The following FBH1 variants were observed in gnomAD, a reference collection of about 807,000 sequenced individuals.
FBH1 encodes the protein F-box DNA helicase 1.
In FBH1, 43 loss-of-function variants were observed where a neutral mutation model predicts 115.5. The observed-to-expected ratio is 0.37, with a 90% confidence interval of 0.29 to 0.48. FBH1 has a LOEUF of 0.48. Ranked by LOEUF, FBH1 falls within the 20% of genes least tolerant of loss-of-function variation. The probability of loss-of-function intolerance (pLI) is 0.99; values close to 1 mark genes in which losing one functional copy is unlikely to be tolerated. For synonymous variants in FBH1, 524 were observed against 507.8 expected, an observed-to-expected ratio of 1.03 and a Z score of -0.43; for missense variants, 1,001 against 1,337.3, an observed-to-expected ratio of 0.75 and a Z score of 3.92.
rs776867320 is a variant in FBH1 at position 5,925,334 on chromosome 10, C to T, written c.2597-33C>T. The T allele has an allele frequency of 5.0e-6, 8 of 1,604,962 alleles. No individual in the cohort carries two copies. In the East Asian group the frequency reaches 1.3e-4, roughly 27 times the overall value. On this transcript the variant is annotated intron_variant, in intron 17 of 20. Coordinates refer to ENST00000362091, the MANE Select transcript of FBH1 (RefSeq NM_178150.3). This position sits in a 1 kb window ranked among gnomAD's most constrained non-coding sequence, Gnocchi z 4.6. ...TCATCTTGTTTCTTTCCCTTTGAAG[C>T]ACCATCTAACGTGTGCTGTGTTTTT...
chr10:5,903,074 G>C lies in FBH1; in HGVS notation c.56G>C (p.Arg19Pro). The change falls in exon 2 of 21, where the codon CGG becomes CCG. Residue 19 changes from arginine (R) to proline (P), a missense_variant. Physicochemically the swap from Arg to Pro is moderately radical, Grantham distance 103. Coordinates refer to ENST00000362091, the MANE Select transcript of FBH1 (RefSeq NM_178150.3). ...LTAIDCQHLARSHLAVTQPFG... is the reference protein window; with the variant it reads ...LTAIDCQHLAPSHLAVTQPFG... ...GCCATTGACTGCCAGCATTTGGCTCGGAGTCACTTGGCTGTGACCCAGCCC... is the reference window on the plus strand; with the variant it reads ...GCCATTGACTGCCAGCATTTGGCTCCGAGTCACTTGGCTGTGACCCAGCCC... 2.5e-6 allele frequency: 4 copies of C among 1,613,486 alleles called. No individual in the cohort carries two copies. Among genetic ancestry groups the C allele is most frequent in the Non-Finnish European group, 3.4e-6 (4 of 1,179,760 alleles).
At chr10:5,927,099 TC>T (rs1832700975) in intron 18 of FBH1, among the ~76,000 whole-genome samples, 1 of 152,320 alleles carries the variant, frequency 6.6e-6, no homozygotes, top group Non-Finnish European at 1.5e-5. Context: ...AGCCTCGGTT[TC>T]CCCGTCTGTC....
intron 1 of FBH1, among the ~76,000 whole-genome samples, chr10:5,898,116 A>G (rs1015279547): frequency 6.6e-6 from 1 of 152,132 alleles, no homozygotes; most frequent in African/African-American, 2.4e-5. Context: ...CTCAGTATTC[A>G]CAGAACGTGT....
rs992000335 is a variant in FBH1 at position 5,906,803 on chromosome 10, C to T, written c.753+171C>T. On this transcript the variant is annotated intron_variant, in intron 3 of 20. Coordinates refer to ENST00000362091, the MANE Select transcript of FBH1 (RefSeq NM_178150.3). The surrounding 1 kb of genome is among the most constrained non-coding windows in gnomAD (Gnocchi z 7.3). ...TCCGTGTCTGCCCCACCCTATGACT[C>T]TAGCCTCTTTGTTCACTTCCACTCA... Among the ~76,000 whole-genome samples, 3 of 152,180 alleles carry T rather than the reference C, an allele frequency of 2.0e-5. No individual in the cohort carries two copies. The highest frequency in any genetic ancestry group is 7.2e-5 in the African/African-American group (3 of 41,450).
chr10:5,909,395 A>G lies in FBH1; in HGVS notation c.1020+101A>G. ...GAGGATGACTTTATATTTATTTTTA[A>G]TGTCTGTATTTAATCTCTGAATGCT... On this transcript the variant is annotated intron_variant, in intron 5 of 20. Transcript: ENST00000362091. The surrounding 1 kb of genome is among the most constrained non-coding windows in gnomAD (Gnocchi z 4.4). 1 of 1,339,634 alleles carries G rather than the reference A, an allele frequency of 7.5e-7. No homozygotes were observed. The highest frequency in any genetic ancestry group is 1.0e-6 in the Non-Finnish European group (1 of 999,100). 83.0% of individuals were successfully genotyped at this position (1,339,634 alleles called of 1,614,324 possible).
At position 5,917,396 on chromosome 10, in the gene FBH1, G is replaced by T; in HGVS notation, c.1789-24G>T. 2 of 1,608,666 alleles carry T rather than the reference G, an allele frequency of 1.2e-6. No homozygotes were observed. The highest frequency in any genetic ancestry group is 1.7e-6 in the Non-Finnish European group (2 of 1,175,768). ...CCTTTGCCAGGGTCTCAAACTCTGG[G>T]TTACCATATGCTTTACTTCCTAGAA... is the stretch of plus-strand genomic sequence containing the variant. On this transcript the variant is annotated intron_variant, in intron 10 of 20. Coordinates refer to ENST00000362091, the MANE Select transcript of FBH1 (RefSeq NM_178150.3). This position sits in a 1 kb window ranked among gnomAD's most constrained non-coding sequence, Gnocchi z 5.6.
Position 5,916,287 on chromosome 10 carries a change from A to T in FBH1, c.1619A>T (p.Asn540Ile). 1.2e-6 allele frequency: 2 copies of T among 1,614,120 alleles called. No homozygotes were observed. Among genetic ancestry groups the T allele is most frequent in the Non-Finnish European group, 1.7e-6 (2 of 1,180,024 alleles). The change falls in exon 10 of 21, where the codon AAC becomes ATC. Residue 540 changes from asparagine (N) to isoleucine (I), a missense_variant. By Grantham distance (149) the Asn-to-Ile change is moderately radical (BLOSUM62 -3). Transcript: ENST00000362091. The part of the protein sequence containing the change: ...NLFKLTPFMV[N>I]SVLAEGKGGF... ...TTCAAGTTAACACCCTTCATGGTCA[A>T]CTCCGTCCTTGCTGAAGGGAAGGGT...
intron 13 of FBH1, among the ~76,000 whole-genome samples, chr10:5,920,840 G>A (rs12244285): frequency 2.0e-5 from 3 of 152,136 alleles, no homozygotes; most frequent in African/African-American, 4.8e-5. Context: ...ACAGAAAACC[G>A]CGTGGGCTGA....
chr10:5,928,958 C>G (rs563211458), intron 19 of FBH1, among the ~76,000 whole-genome samples: 2 of 152,136 alleles, frequency 1.3e-5, no homozygotes, highest in African/African-American at 4.8e-5. Context: ...TGGGGTGAGC[C>G]GCGCCGTACT....
chr10:5,895,297 G>A lies in FBH1; in HGVS notation c.1+4951G>A, dbSNP rs1842946332. 2.4e-6 allele frequency: 3 copies of A among 1,237,662 alleles called. No homozygotes were observed. The highest frequency in any genetic ancestry group is 1.7e-5 in the South Asian group (1 of 57,588). 76.7% of individuals were successfully genotyped at this position (1,237,662 alleles called of 1,614,324 possible). ...TGTTAAAGTTGGGTATGGTATTGTA[G>A]CAGTTTCTCCAGTCAGGTACCTTGT... is the stretch of plus-strand genomic sequence containing the variant. On this transcript the variant is annotated intron_variant, in intron 1 of 20. Transcript: ENST00000362091. The surrounding 1 kb of genome is among the most constrained non-coding windows in gnomAD (Gnocchi z 5.0).
intron 19 of FBH1, chr10:5,929,868 A>G (rs1832872658): frequency 6.6e-6 from 1 of 152,158 alleles, no homozygotes; most frequent in Admixed American, 6.5e-5. Context: ...CTATACAAAC[A>G]TTTTTGTATA....
rs2132069244 is a variant in FBH1 at position 5,924,826 on chromosome 10, A to G, written c.2596+318A>G. 4.4e-6 allele frequency: 2 copies of G among 459,562 alleles called. No homozygotes were observed. The highest frequency in any genetic ancestry group is 3.3e-5 in the South Asian group (2 of 59,986). 28.5% of individuals were successfully genotyped at this position (459,562 alleles called of 1,614,324 possible). A position where few individuals can be genotyped will look rare whatever the true frequency, so the allele number is the denominator to read the frequency against. ...GGTAATCTGCCCACCTCGACCTCCC[A>G]AAGTGCTAGAATTACAGGCGTGAGC... On this transcript the variant is annotated intron_variant, in intron 17 of 20. Transcript: ENST00000362091. This position sits in a 1 kb window ranked among gnomAD's most constrained non-coding sequence, Gnocchi z 6.2.
At chr10:5,912,173 A>G (rs1831633837) in intron 6 of FBH1, among the ~76,000 whole-genome samples, 1 of 152,048 alleles carries the variant, frequency 6.6e-6, no homozygotes, top group Non-Finnish European at 1.5e-5. Flanking sequence ...CAGCCTGGCC[A>G]ACAAGGGGAA....
rs1262845680 is a variant in FBH1, at chr10:5,921,817, C to T, written c.2322+248C>T. Reference sequence around the variant, plus strand: ...GTTTCCACTCTTTTAACAATGAATGCCCTTCTTCCCTTGGCAATGCCAGTG... The same window carrying T: ...GTTTCCACTCTTTTAACAATGAATGTCCTTCTTCCCTTGGCAATGCCAGTG... On this transcript the variant is annotated intron_variant, in intron 15 of 20. Coordinates refer to ENST00000362091, the MANE Select transcript of FBH1 (RefSeq NM_178150.3). The surrounding 1 kb of genome is among the most constrained non-coding windows in gnomAD (Gnocchi z 6.4). Among the ~76,000 whole-genome samples the T allele has an allele frequency of 6.6e-6, 1 of 152,186 alleles. No homozygotes were observed. Among genetic ancestry groups the T allele is most frequent in the East Asian group, 1.9e-4 (1 of 5,202 alleles).
At position 5,915,161 on chromosome 10, in the gene FBH1, A is replaced by AG. The variant is rs1446266341; in HGVS notation, c.1397-238dup. On this transcript the variant is annotated intron_variant, in intron 8 of 20. Transcript: ENST00000362091. This position sits in a 1 kb window ranked among gnomAD's most constrained non-coding sequence, Gnocchi z 5.2. ...AAGCAAACTGAAGCTCATGAGGTCAAGGGGTCCACCTGTCCTTTGCCCCTC... is the reference window on the plus strand; with the variant it reads ...AAGCAAACTGAAGCTCATGAGGTCAAGGGGGTCCACCTGTCCTTTGCCCCTC... Among the ~76,000 whole-genome samples, 5 of 152,322 alleles carry AG rather than the reference A, an allele frequency of 3.3e-5. No individual in the cohort carries two copies. In the South Asian group the frequency reaches 1.0e-3, roughly 32 times the overall value.
Position 5,923,738 on chromosome 10 carries a change from C to A in FBH1, c.2398+42C>A. On this transcript the variant is annotated intron_variant, in intron 16 of 20. Transcript: ENST00000362091. The surrounding 1 kb of genome is among the most constrained non-coding windows in gnomAD (Gnocchi z 5.7). ...CCTTGGTGCATTGGAAGGACGCACC[C>A]AAGTGACAGGGACGAGAAAGAAGCA... 6.5e-7 allele frequency: 1 copy of A among 1,547,468 alleles called. No individual in the cohort carries two copies. Among genetic ancestry groups the A allele is most frequent in the South Asian group, 1.1e-5 (1 of 87,778 alleles).
intron 1 of FBH1, among the ~76,000 whole-genome samples, chr10:5,891,375 A>G (rs1842716498): frequency 6.6e-6 from 1 of 152,198 alleles, no homozygotes; most frequent in African/African-American, 2.4e-5. Flanking sequence ...GCAAAAGAAA[A>G]AAAGGAAGGC....
chr10:5,916,199 A>T, intron 9 of FBH1, 35 bp from the exon 10 acceptor site: 1 of 1,579,802 alleles, frequency 6.3e-7, no homozygotes. Flanking sequence ...AAGCCAGGAG[A>T]GCCACGTGCT....
rs1383809537 is a variant in FBH1, at chr10:5,914,790, A to AT, written c.1396+529dup. Among the ~76,000 whole-genome samples the AT allele has an allele frequency of 1.3e-5, 2 of 151,790 alleles. No individual in the cohort carries two copies. Among genetic ancestry groups the AT allele is most frequent in the Non-Finnish European group, 2.9e-5 (2 of 67,974 alleles). ...ACAGCCTTTGCTCGTGCTATTTGCTATTTTTTTTCTGCCTGTAATCCCTTC... is the reference window on the plus strand; with the variant it reads ...ACAGCCTTTGCTCGTGCTATTTGCTATTTTTTTTTCTGCCTGTAATCCCTTC... On this transcript the variant is annotated intron_variant, in intron 8 of 20. Coordinates refer to ENST00000362091, the MANE Select transcript of FBH1 (RefSeq NM_178150.3). The surrounding 1 kb of genome is among the most constrained non-coding windows in gnomAD (Gnocchi z 5.2).
Sources: allele counts gnomAD v4.1 joint callset (sites outside exome capture counted in the v4.1 genomes callset), GRCh38; gene constraint gnomAD v4.1.1; non-coding constraint Gnocchi (gnomAD v3.1); transcripts MANE v1.5; gene names NCBI Gene and HGNC (gene_info 2026-07-23, HGNC 2026-07-21).